Variants in MEGF11 observed in about 807,000 individuals in gnomAD.
MEGF11 encodes multiple EGF like domains 11.
In MEGF11, 126 loss-of-function variants were observed where a neutral mutation model predicts 146.6. The observed-to-expected ratio is 0.86, with a 90% CI of 0.74 to 1.00. MEGF11 has a LOEUF of 1.00. Among genes scored for constraint, MEGF11 ranks in the 50% least tolerant of loss-of-function variants. The pLI is 0.00. For synonymous variants in MEGF11, 532 were observed against 583.4 expected (o/e 0.91, Z 1.27); for missense variants, 1,509 against 1,521.2 (o/e 0.99, Z 0.13).
chr15:65,960,408 G>T (rs577157008), intron 9 of MEGF11, among the ~76,000 whole-genome samples: 6 of 151,986 alleles, frequency 3.9e-5, no homozygotes, highest in African/African-American at 1.5e-4. Flanking sequence ...CAAGGCACTG[G>T]AAGGGGAGAC....
At chr15:66,127,067 G>C (rs2088388522) in intron 2 of MEGF11, among the ~76,000 whole-genome samples, 1 of 152,258 alleles carries the variant, frequency 6.6e-6, no homozygotes, top group East Asian at 1.9e-4. Context: ...GGCTGCCCTT[G>C]ATCCTCCAAT....
At chr15:66,004,402 G>A (rs2082458778) in intron 5 of MEGF11, among the ~76,000 whole-genome samples, 1 of 139,012 alleles carries the variant, frequency 7.2e-6, no homozygotes, top group African/African-American at 2.6e-5. Flanking sequence ...GGCACAGAGG[G>A]GGGGCTTCAA....
chr15:65,930,938 C>T lies in MEGF11; in HGVS notation c.1293G>A (p.Glu431=), dbSNP rs1236373482. 4 of 1,585,850 alleles carry T rather than the reference C, an allele frequency of 2.5e-6. No individual in the cohort carries two copies. Among genetic ancestry groups the T allele is most frequent in the Admixed American group, 1.8e-5 (1 of 57,062 alleles). The change falls in exon 11 of 26, where the codon GAG becomes GAA. Residue 431 remains glutamate, a synonymous_variant. Transcript: ENST00000395614. ...CTGCTGCACAGGAAACGGCACAGAC[C>T]TCTCCCTGGAAAGGGAGGGGGTGAA... The part of the protein sequence containing the change: ...GCTCAPGFMG[E]VCAVSCAAGT...
intron 5 of MEGF11, among the ~76,000 whole-genome samples, chr15:66,033,301 A>G (rs2083602825): frequency 6.6e-6 from 1 of 152,108 alleles, no homozygotes; most frequent in Non-Finnish European, 1.5e-5. Flanking sequence ...CCCTCCCATA[A>G]CAGGCCCCGA....
At chr15:66,002,996 C>A (rs200586333) in intron 5 of MEGF11, among the ~76,000 whole-genome samples, 4 of 118,890 alleles carry the variant, frequency 3.4e-5, no homozygotes, top group African/African-American at 1.2e-4. Flanking sequence ...TTTCTTTTTT[C>A]TTTTTTTTTT....
chr15:65,940,010 G>T (rs531893194), intron 10 of MEGF11, among the ~76,000 whole-genome samples: 46 of 152,320 alleles, frequency 3.0e-4, no homozygotes, highest in African/African-American at 1.1e-3. Flanking sequence ...TTAAGTGCCA[G>T]TATGTGTCAG....
chr15:66,170,966 C>A (rs566741567), intron 1 of MEGF11, among the ~76,000 whole-genome samples: 1 of 152,226 alleles, frequency 6.6e-6, no homozygotes, highest in East Asian at 1.9e-4. Flanking sequence ...CAAAGGTGGA[C>A]TTGATGGATG....
At chr15:66,137,728 C>G (rs1291459473) in intron 1 of MEGF11, among the ~76,000 whole-genome samples, 1 of 150,472 alleles carries the variant, frequency 6.6e-6, no homozygotes, top group Non-Finnish European at 1.5e-5. Context: ...TTTTTTTTTT[C>G]TCTTAGAGAC....
intron 5 of MEGF11, among the ~76,000 whole-genome samples, chr15:66,061,707 C>T (rs1212206461): frequency 6.7e-6 from 1 of 149,424 alleles, no homozygotes; most frequent in African/African-American, 2.5e-5. Flanking sequence ...ACAATCATAG[C>T]TCACTGTGGC....
chr15:66,008,358 C>T lies in MEGF11; in HGVS notation c.395-25870G>A, dbSNP rs534958835. 3.3e-5 allele frequency among the ~76,000 whole-genome samples: 5 copies of T among 152,014 alleles called. No individual in the cohort carries two copies. In the South Asian group the frequency reaches 8.3e-4, roughly 25 times the overall value. On this transcript the variant is annotated intron_variant, in intron 5 of 25. Coordinates refer to ENST00000395614, the MANE Select transcript of MEGF11 (RefSeq NM_001385028.1). Reference sequence around the variant, plus strand: ...CAATTTTCCCAGCGTCACTTGAGCACTGTGCTAAGTACTAAGTCATTCACG... The same window carrying T: ...CAATTTTCCCAGCGTCACTTGAGCATTGTGCTAAGTACTAAGTCATTCACG...
At chr15:65,933,838 A>T (rs2079664697) in intron 10 of MEGF11, among the ~76,000 whole-genome samples, 1 of 152,214 alleles carries the variant, frequency 6.6e-6, no homozygotes, top group African/African-American at 2.4e-5. Context: ...CTCAGTTCCC[A>T]CATCTGTTAA....
At chr15:66,224,690 G>GTA (rs2091812940) in intron 1 of MEGF11, among the ~76,000 whole-genome samples, 1 of 143,070 alleles carries the variant, frequency 7.0e-6, no homozygotes, top group Admixed American at 7.1e-5. Flanking sequence ...AATATATAAA[G>GTA]TATATATATT....
intron 1 of MEGF11, among the ~76,000 whole-genome samples, chr15:66,150,335 TTGCTAGGAATTA>T (rs2089516233): frequency 6.6e-6 from 1 of 152,340 alleles, no homozygotes; most frequent in African/African-American, 2.4e-5. Flanking sequence ...CCTCAGAATC[TTGCTAGGAATTA>T]TGCTGTCTTT....
intron 7 of MEGF11, among the ~76,000 whole-genome samples, chr15:65,976,264 C>T (rs1009216748): frequency 1.3e-5 from 2 of 152,184 alleles, no homozygotes; most frequent in Non-Finnish European, 2.9e-5. Context: ...TGGTCTTGAA[C>T]TCCTGACCTC....
intron 1 of MEGF11, among the ~76,000 whole-genome samples, chr15:66,174,938 C>T (rs1403785895): frequency 6.6e-6 from 1 of 152,082 alleles, no homozygotes; most frequent in Non-Finnish European, 1.5e-5. Flanking sequence ...TAAATTTGCT[C>T]CTAAGTATTT....
intron 19 of MEGF11, 155 bp from the exon 20 acceptor site, chr15:65,914,128 C>T: frequency 1.6e-6 from 1 of 613,500 alleles, no homozygotes; most frequent in Non-Finnish European, 2.9e-6. Flanking sequence ...ACCCCCAGCC[C>T]TCACTGTGCC....
chr15:65,921,450 C>T (rs1272295502), intron 15 of MEGF11, among the ~76,000 whole-genome samples: 1 of 152,166 alleles, frequency 6.6e-6, no homozygotes, highest in African/African-American at 2.4e-5. Flanking sequence ...CTGTGCTTTG[C>T]CCAAGCTGCT....
chr15:66,152,955 C>A (rs935706518), intron 1 of MEGF11, among the ~76,000 whole-genome samples: 2 of 152,226 alleles, frequency 1.3e-5, no homozygotes, highest in Non-Finnish European at 2.9e-5. Context: ...ACTGCCATGC[C>A]GGTCCCGCCT....
At chr15:66,110,796 C>T (rs2087353559) in intron 4 of MEGF11, among the ~76,000 whole-genome samples, 1 of 152,218 alleles carries the variant, frequency 6.6e-6, no homozygotes, top group Admixed American at 6.5e-5. Context: ...GGCTGAGTTT[C>T]AGACAGGCCC....
Sources: allele counts gnomAD v4.1 joint callset (sites outside exome capture counted in the v4.1 genomes callset), GRCh38; gene constraint gnomAD v4.1.1; transcripts MANE v1.5; gene names NCBI Gene and HGNC (gene_info 2026-07-23, HGNC 2026-07-21).